Variants in PABPC4L observed in about 807,000 individuals in gnomAD.
PABPC4L encodes polyadenylate-binding protein 4-like.
For synonymous variants in PABPC4L, 169 were observed against 164.1 expected, an observed-to-expected ratio of 1.03 and a Z score of -0.23; for missense variants, 452 against 451.4, an observed-to-expected ratio of 1.00 and a Z score of -0.01.
At chr4:134,142,382 C>T in the PABPC4L span, among the ~76,000 whole-genome samples, 29 of 151,596 alleles carry the variant, frequency 1.9e-4, no homozygotes, top group East Asian at 4.3e-3. Context: ...AAAGCATAGT[C>T]GAACCTTCTT....
the PABPC4L span, among the ~76,000 whole-genome samples, chr4:134,013,353 C>T: frequency 1.2e-3 from 178 of 151,992 alleles, no homozygotes; most frequent in African/African-American, 3.9e-3. Context: ...AGGGCAAGAA[C>T]CCCCCACCTC....
chr4:134,070,383 G>T, the PABPC4L span, among the ~76,000 whole-genome samples: 8 of 152,028 alleles, frequency 5.3e-5, no homozygotes, highest in African/African-American at 1.9e-4. Context: ...ACACATTTTT[G>T]CAGGCCTTCA....
the PABPC4L span, among the ~76,000 whole-genome samples, chr4:134,015,241 T>G: frequency 6.6e-6 from 1 of 152,064 alleles, no homozygotes; most frequent in Non-Finnish European, 1.5e-5. Context: ...CTATAAACTC[T>G]CCTTACAATT....
chr4:134,121,292 T>C, the PABPC4L span, among the ~76,000 whole-genome samples: 2 of 151,562 alleles, frequency 1.3e-5, no homozygotes, highest in Non-Finnish European at 3.0e-5. Context: ...ATTATCTTTT[T>C]TTATTATTTA....
At chr4:134,142,885 AC>A in the PABPC4L span, among the ~76,000 whole-genome samples, 1 of 151,666 alleles carries the variant, frequency 6.6e-6, no homozygotes, top group Non-Finnish European at 1.5e-5. Flanking sequence ...TTGCAATAGC[AC>A]TTAACGTATT....
the PABPC4L span, among the ~76,000 whole-genome samples, chr4:134,188,870 A>G: frequency 1.3e-5 from 2 of 151,756 alleles, no homozygotes; most frequent in South Asian, 4.2e-4. Context: ...TCTTGTCATT[A>G]TTGTTTCAGG....
downstream of PABPC4L, among the ~76,000 whole-genome samples, chr4:134,193,887 G>A (rs1378293924): frequency 6.6e-6 from 1 of 151,894 alleles, no homozygotes; most frequent in Non-Finnish European, 1.5e-5. Flanking sequence ...CTGTGGCGTA[G>A]ATCTTGAAAC....
the PABPC4L span, among the ~76,000 whole-genome samples, chr4:134,168,674 A>G: frequency 6.6e-6 from 1 of 152,014 alleles, no homozygotes; most frequent in East Asian, 1.9e-4. Flanking sequence ...CTTAGAAGAA[A>G]TGTGTAAATT....
Position 134,200,992 on chromosome 4 carries a change from C to A in PABPC4L, c.28G>T (p.Ala10Ser). The A allele has an allele frequency of 6.4e-7, 1 of 1,552,310 alleles. No homozygotes were observed. The highest frequency in any genetic ancestry group is 1.2e-5 in the South Asian group (1 of 84,072). The change falls in exon 2 of 2, where the codon GCC (alanine) becomes TCC (serine). Residue 10 changes from alanine to serine, a missense_variant. Coordinates refer to ENST00000421491, the MANE Select transcript of PABPC4L (RefSeq NM_001114734.2). ...TGTAAGTCACCCACATACAGGGAGG[C>A]CATGCGGTACTTGGCTGCTACATTC... MNVAAKYRM[A>S]SLYVGDLHAD...
At chr4:134,154,238 C>T in the PABPC4L span, among the ~76,000 whole-genome samples, 1 of 152,168 alleles carries the variant, frequency 6.6e-6, no homozygotes, top group Admixed American at 6.5e-5. Context: ...GGCAGACTGC[C>T]TGAGCTCAGG....
In PABPC4L at chr4:134,197,719, T is replaced by C. The variant is rs867237555; in HGVS notation, c.*2188A>G. ...CAAATACTGTTTAACTTTTGTAATT[T>C]ACAAAAGTGAAATAAAGCAATGATG... On this transcript the variant is annotated 3_prime_UTR_variant, in exon 2 of 2. Coordinates refer to ENST00000421491, the MANE Select transcript of PABPC4L (RefSeq NM_001114734.2). 6.6e-6 allele frequency: 1 copy of C among 151,728 alleles called. No homozygotes were observed. Among genetic ancestry groups the C allele is most frequent in the Non-Finnish European group, 1.5e-5 (1 of 67,678 alleles). 9.4% of individuals were successfully genotyped at this position (151,728 alleles called of 1,614,324 possible). A position where few individuals can be genotyped will look rare whatever the true frequency, so the allele number is the denominator to read the frequency against.
the PABPC4L span, among the ~76,000 whole-genome samples, chr4:134,001,604 A>G: frequency 8.5e-5 from 13 of 152,152 alleles, no homozygotes; most frequent in African/African-American, 3.1e-4. Flanking sequence ...TAGTGATAAG[A>G]TTAGAATAGT....
chr4:134,058,893 A>G, the PABPC4L span, among the ~76,000 whole-genome samples: 2 of 152,016 alleles, frequency 1.3e-5, no homozygotes, highest in African/African-American at 4.8e-5. Flanking sequence ...AGAAGAGTAA[A>G]TTAGTTTAGA....
chr4:134,185,230 C>CA, the PABPC4L span, among the ~76,000 whole-genome samples: 91 of 150,934 alleles, frequency 6.0e-4, no homozygotes, highest in East Asian at 1.4e-3. Context: ...CTCTCCACAA[C>CA]AAAAAAAAGA....
chr4:134,069,992 T>TC, the PABPC4L span, among the ~76,000 whole-genome samples: 1 of 150,712 alleles, frequency 6.6e-6, no homozygotes, highest in Non-Finnish European at 1.5e-5. Context: ...TGGAGGGTTT[T>TC]TTTTTTTTTT....
At chr4:134,134,026 T>G in the PABPC4L span, among the ~76,000 whole-genome samples, 1 of 152,044 alleles carries the variant, frequency 6.6e-6, no homozygotes, top group Admixed American at 6.6e-5. Context: ...CTATTTTGCC[T>G]ATTTAAGCCA....
the PABPC4L span, among the ~76,000 whole-genome samples, chr4:134,013,252 C>T: frequency 5.3e-5 from 8 of 151,958 alleles, no homozygotes; most frequent in African/African-American, 1.7e-4. Context: ...CTTATCTCTG[C>T]ACCCCAATCC....
the PABPC4L span, among the ~76,000 whole-genome samples, chr4:134,096,217 C>G: frequency 2.0e-5 from 3 of 151,612 alleles, no homozygotes; most frequent in Admixed American, 6.6e-5. Context: ...GAAGAAATGT[C>G]GGTTTTTTTC....
At chr4:133,976,338 A>G in the PABPC4L span, among the ~76,000 whole-genome samples, 1 of 151,934 alleles carries the variant, frequency 6.6e-6, no homozygotes, top group Admixed American at 6.6e-5. Context: ...ATCACATTTT[A>G]TTTATTCAGT....
Sources: allele counts gnomAD v4.1 joint callset (sites outside exome capture counted in the v4.1 genomes callset), GRCh38; gene constraint gnomAD v4.1.1; transcripts MANE v1.5; gene names NCBI Gene and HGNC (gene_info 2026-07-23, HGNC 2026-07-21).